The following TPO variants were observed in gnomAD, a reference collection of about 807,000 sequenced individuals.
The protein encoded by TPO is thyroid microsomal antigen.
A neutral mutation model predicts 96.9 loss-of-function variants in TPO; 78 were observed. The observed-to-expected ratio is 0.81, with a 90% confidence interval of 0.67 to 0.97. The LOEUF is 0.97. Among genes scored for constraint, TPO ranks in the 50% least tolerant of loss-of-function variants. The pLI is 0.00. For missense variants in TPO, 1,252 were observed against 1,274.8 expected, an observed-to-expected ratio of 0.98 and a Z score of 0.27; for synonymous variants, 547 against 538.0, an observed-to-expected ratio of 1.02 and a Z score of -0.23.
intron 15 of TPO, among the ~76,000 whole-genome samples, chr2:1,524,659 T>TC (rs1491162809): frequency 1.5e-5 from 1 of 67,492 alleles, no homozygotes; most frequent in Non-Finnish European, 2.9e-5. Context: ...CCTCCTCAAA[T>TC]CCCCCCACTG....
intron 5 of TPO, among the ~76,000 whole-genome samples, chr2:1,452,813 T>C (rs184935274): frequency 2.4e-4 from 36 of 152,348 alleles, no homozygotes; most frequent in Non-Finnish European, 4.7e-4. Context: ...TTCTAGAAGA[T>C]GCTCTGAGAC....
intron 8 of TPO, among the ~76,000 whole-genome samples, chr2:1,484,154 A>T (rs115548054): frequency 0.013 from 1,961 of 152,346 alleles, 44 homozygotes; most frequent in African/African-American, 0.045. Context: ...TTGCAACTGT[A>T]ATTTTCCATC....
Position 1,433,604 on chromosome 2 carries a change from A to G in TPO, c.346A>G (p.Thr116Ala), listed in dbSNP as rs1029043404. ...NLKTQQSQHP[T>A]DALSEDLLSI... is the part of the protein sequence containing the mutation. The stretch of plus-strand genomic sequence containing the variant: ...GAAAACTCAACAATCACAGCATCCA[A>G]CGGGTAATGTGTGCCCCTCTCCCCA... Residue 116 changes from threonine to alanine, a missense_variant, in exon 4 of 17, where the codon ACG (threonine) becomes GCG (alanine). Thr to Ala is a moderately conservative substitution (Grantham distance 58, BLOSUM62 0). Transcript: ENST00000329066. The G allele has an allele frequency of 1.1e-5, 18 of 1,613,484 alleles. No homozygotes were observed. Among genetic ancestry groups the G allele is most frequent in the Non-Finnish European group, 1.5e-5 (18 of 1,179,736 alleles).
chr2:1,503,476 A>G (rs1673074387), intron 13 of TPO, among the ~76,000 whole-genome samples: 1 of 152,092 alleles, frequency 6.6e-6, no homozygotes, highest in Non-Finnish European at 1.5e-5. Context: ...GTGCAGGGGG[A>G]GCAGGAGCAG....
intron 1 of TPO, among the ~76,000 whole-genome samples, chr2:1,400,633 AAAC>A (rs1314109668): frequency 2.6e-5 from 4 of 151,882 alleles, no homozygotes; most frequent in East Asian, 1.9e-4. Context: ...AAAAAAAAAA[AAAC>A]AAATTTCACT....
chr2:1,447,687 T>C (rs1187430116), intron 5 of TPO, among the ~76,000 whole-genome samples: 1 of 152,184 alleles, frequency 6.6e-6, no homozygotes, highest in Non-Finnish European at 1.5e-5. Flanking sequence ...TGTATATATC[T>C]ATAATAAACA....
intron 6 of TPO, 99 bp downstream of exon 6, chr2:1,453,922 CT>C: frequency 6.5e-7 from 1 of 1,544,794 alleles, no homozygotes. Context: ...GTGCTGGGTG[CT>C]GCGTGCAATC....
At chr2:1,526,546 C>G (rs1485523030) in intron 15 of TPO, among the ~76,000 whole-genome samples, 2 of 145,860 alleles carry the variant, frequency 1.4e-5, no homozygotes, top group Admixed American at 1.4e-4. Context: ...TCCTCAAATC[C>G]TCTCACTGTG....
At chr2:1,459,641 T>C (rs1668218141) in intron 7 of TPO, among the ~76,000 whole-genome samples, 1 of 152,182 alleles carries the variant, frequency 6.6e-6, no homozygotes, top group African/African-American at 2.4e-5. Context: ...GTTACAAAAT[T>C]CTGGGCATCT....
chr2:1,509,725 G>GCCCCCCCTCTTTTTTCAGGGATAC (rs1673881201), intron 14 of TPO, among the ~76,000 whole-genome samples: 1 of 137,694 alleles, frequency 7.3e-6, no homozygotes, highest in Non-Finnish European at 1.5e-5. Flanking sequence ...GTCAGGCACA[G>GCCCCCCCTCTTTTTTCAGGGATAC]CCCACCCTCT....
At chr2:1,427,248 T>C (rs1664508625) in intron 3 of TPO, among the ~76,000 whole-genome samples, 1 of 152,224 alleles carries the variant, frequency 6.6e-6, no homozygotes, top group Admixed American at 6.5e-5. Flanking sequence ...TGCAGTGAGC[T>C]TGCCGGCCCA....
At chr2:1,411,680 T>A (rs376792678), upstream of TPO, among the ~76,000 whole-genome samples, 15 of 152,156 alleles carry the variant, frequency 9.9e-5, no homozygotes, top group East Asian at 5.8e-4. Flanking sequence ...GGCCTGGTTG[T>A]GCCTGGAGAC....
intron 14 of TPO, among the ~76,000 whole-genome samples, chr2:1,516,013 TA>T (rs1267463318): frequency 1.3e-5 from 2 of 152,156 alleles, no homozygotes; most frequent in African/African-American, 4.8e-5. Flanking sequence ...AAGTCGGTAA[TA>T]AAACTGTGGT....
chr2:1,508,292 T>C (rs1341053445), intron 14 of TPO, among the ~76,000 whole-genome samples: 1 of 152,150 alleles, frequency 6.6e-6, no homozygotes, highest in African/African-American at 2.4e-5. Context: ...TTTGCCAGTA[T>C]TTTATTGAGG....
intron 11 of TPO, 106 bp downstream of exon 11, chr2:1,494,145 T>C (rs1284909732): frequency 1.5e-5 from 17 of 1,139,744 alleles, no homozygotes; most frequent in African/African-American, 3.0e-5. Context: ...GGCTCCACCA[T>C]TCAACTCTTA....
chr2:1,503,956 GAGTGTGC>G lies in TPO; in HGVS notation c.2398_2404del (p.Cys800ThrfsTer30). The G allele has an allele frequency of 6.2e-7, 1 of 1,614,124 alleles. No homozygotes were observed. The highest frequency in any genetic ancestry group is 8.5e-7 in the Non-Finnish European group (1 of 1,180,028). On this transcript the variant is annotated frameshift_variant, in exon 14 of 17. Coordinates refer to ENST00000329066, the MANE Select transcript of TPO (RefSeq NM_001206744.2). LOFTEE classifies it high-confidence loss of function. The stretch of plus-strand genomic sequence containing the variant: ...CCTTGTGTGTCTGGCAGATGTGAAC[GAGTGTGC>G]AGACGGTGCCCACCCCCCCTGCCAC...
chr2:1,471,891 G>C (rs891653662), intron 7 of TPO, among the ~76,000 whole-genome samples: 3 of 151,774 alleles, frequency 2.0e-5, no homozygotes, highest in African/African-American at 7.3e-5. Flanking sequence ...TTCATGGTGT[G>C]CCCTTCCCAT....
In TPO at chr2:1,538,932, C is replaced by T. The variant is rs115270546; in HGVS notation, c.2619-1662C>T. On this transcript the variant is annotated intron_variant, in intron 15 of 16. Transcript: ENST00000329066. ...CTGGCATTGCTTGGCCTACAGACTC[C>T]TCACGCCAACCTCTCCCTCTGTCTT... Among the ~76,000 whole-genome samples the T allele has an allele frequency of 5.3e-3, 806 of 152,280 alleles. 10 individuals are homozygous for T. Among genetic ancestry groups the T allele is most frequent in the African/African-American group, 0.018 (751 of 41,550 alleles).
At chr2:1,462,503 C>T (rs554308881) in intron 7 of TPO, among the ~76,000 whole-genome samples, 8 of 149,832 alleles carry the variant, frequency 5.3e-5, no homozygotes, top group African/African-American at 1.7e-4. Context: ...AACCCAAATA[C>T]GTGTGTGTAG....
Sources: gnomAD v4.1 joint callset for allele counts (sites outside exome capture counted in the v4.1 genomes callset) on GRCh38, gnomAD v4.1.1 for gene constraint, MANE v1.5 for transcripts, NCBI Gene and HGNC (gene_info 2026-07-23, HGNC 2026-07-21) for gene names.